Variants in CACNB4 observed in about 807,000 individuals in gnomAD.
CACNB4 encodes the protein voltage-dependent L-type calcium channel subunit beta-4.
Under a neutral mutation model 71.2 loss-of-function variants are expected in CACNB4, and 32 were observed. The observed-to-expected ratio is 0.45, with a 90% confidence interval of 0.34 to 0.60. The LOEUF is 0.60. Ranked by LOEUF, CACNB4 falls within the 20% of genes least tolerant of loss-of-function variation. The probability of loss-of-function intolerance (pLI) is 0.01; values close to 1 mark genes in which losing one functional copy is unlikely to be tolerated. For missense variants in CACNB4, 464 were observed against 647.9 expected (o/e 0.72, Z 3.08); for synonymous variants, 231 against 236.9 (o/e 0.97, Z 0.23).
chr2:152,026,838 T>C (rs1684005089), intron 2 of CACNB4, among the ~76,000 whole-genome samples: 1 of 152,226 alleles, frequency 6.6e-6, no homozygotes, highest in African/African-American at 2.4e-5. Flanking sequence ...ATGGTATCCA[T>C]ATTGTTAAGT....
intron 2 of CACNB4, among the ~76,000 whole-genome samples, chr2:152,033,178 A>T (rs1026718669): frequency 3.3e-5 from 5 of 152,244 alleles, no homozygotes; most frequent in Non-Finnish European, 7.3e-5. Flanking sequence ...GGCTGGTTAA[A>T]TAATGAATGA....
intron 2 of CACNB4, among the ~76,000 whole-genome samples, chr2:151,892,982 G>A (rs1332794546): frequency 6.6e-6 from 1 of 152,060 alleles, no homozygotes; most frequent in Non-Finnish European, 1.5e-5. Context: ...TCCAGAAACT[G>A]TTTAGAAAAA....
At chr2:152,063,170 C>A (rs953155859) in intron 2 of CACNB4, among the ~76,000 whole-genome samples, 1 of 152,128 alleles carries the variant, frequency 6.6e-6, no homozygotes, top group Non-Finnish European at 1.5e-5. Context: ...GTGAACTGTA[C>A]ATAGATGATT....
chr2:151,844,667 G>C (rs1387697437), intron 12 of CACNB4, among the ~76,000 whole-genome samples: 1 of 152,180 alleles, frequency 6.6e-6, no homozygotes, highest in Admixed American at 6.5e-5. Flanking sequence ...ATAAATAGAG[G>C]CATCGAGGTG....
At chr2:151,990,696 T>C (rs1312669786) in intron 2 of CACNB4, among the ~76,000 whole-genome samples, 4 of 152,230 alleles carry the variant, frequency 2.6e-5, no homozygotes, top group Admixed American at 6.5e-5. Context: ...TTCTATCTAA[T>C]ACACCATGGG....
chr2:151,990,872 C>G (rs926716651), intron 2 of CACNB4, among the ~76,000 whole-genome samples: 1 of 152,162 alleles, frequency 6.6e-6, no homozygotes, highest in Non-Finnish European at 1.5e-5. Context: ...TAAGCCCATT[C>G]AAAACCTTGC....
intron 12 of CACNB4, among the ~76,000 whole-genome samples, chr2:151,847,475 C>A (rs1447923358): frequency 6.6e-6 from 1 of 152,286 alleles, no homozygotes; most frequent in Non-Finnish European, 1.5e-5. Context: ...AAATAATCAA[C>A]CCAATGGTTC....
chr2:151,990,565 A>G lies in CACNB4; in HGVS notation c.148-107195T>C, dbSNP rs561984587. On this transcript the variant is annotated intron_variant, in intron 2 of 13. Transcript: ENST00000539935. ...GGGTCTTGTGCACTGTTGCTTCCTT[A>G]ACAATTACCATAGTGCCTGTGACAT... Among the ~76,000 whole-genome samples the G allele has an allele frequency of 2.0e-5, 3 of 152,278 alleles. No homozygotes were observed. The South Asian group carries it at 6.2e-4, about 32-fold the overall frequency.
chr2:152,054,216 A>T (rs1004753487), intron 2 of CACNB4, among the ~76,000 whole-genome samples: 4 of 151,266 alleles, frequency 2.6e-5, no homozygotes, highest in Admixed American at 2.6e-4. Flanking sequence ...AAATACAAAA[A>T]TTAGCCGGGC....
At chr2:151,912,789 T>C (rs1331677278) in intron 2 of CACNB4, among the ~76,000 whole-genome samples, 3 of 152,148 alleles carry the variant, frequency 2.0e-5, no homozygotes, top group African/African-American at 7.2e-5. Flanking sequence ...CCCACTATTA[T>C]TGTGTGGGAG....
At chr2:151,973,973 G>A in intron 2 of CACNB4, 1 of 1,211,240 alleles carries the variant, frequency 8.3e-7, no homozygotes, top group Non-Finnish European at 1.0e-6. Context: ...CCACAGACTG[G>A]TGACTGAGCT....
At chr2:151,858,177 A>T (rs1222098724) in intron 10 of CACNB4, 1 of 152,226 alleles carries the variant, frequency 6.6e-6, no homozygotes, top group African/African-American at 2.4e-5. Flanking sequence ...TATTCCAGTC[A>T]AATGGAGCCC....
intron 2 of CACNB4, among the ~76,000 whole-genome samples, chr2:152,004,949 T>C (rs1682641182): frequency 6.6e-6 from 1 of 152,188 alleles, no homozygotes; most frequent in African/African-American, 2.4e-5. Context: ...TACTCTTGGA[T>C]GCAAATCAAA....
At chr2:152,099,139 C>T (rs1036589265), upstream of CACNB4, 2 of 558,378 alleles carry the variant, frequency 3.6e-6, no homozygotes, top group African/African-American at 2.0e-5. Flanking sequence ...GCGCCGGCGC[C>T]CAGGCTCCCT....
chr2:151,835,594 C>T lies in CACNB4; in HGVS notation c.*3525G>A, dbSNP rs2099834733. 6.6e-6 allele frequency: 1 copy of T among 151,652 alleles called. No homozygotes were observed. The highest frequency in any genetic ancestry group is 1.5e-5 in the Non-Finnish European group (1 of 67,726). 9.4% of individuals were successfully genotyped at this position (151,652 alleles called of 1,614,324 possible). On this transcript the variant is annotated 3_prime_UTR_variant, in exon 14 of 14. Transcript: ENST00000539935. ...ATACTAACATGCAAATTAAGGTTGC[C>T]AAGACACATTCTTAACGGACATCCT...
chr2:151,954,624 G>A (rs778531341), intron 2 of CACNB4, among the ~76,000 whole-genome samples: 21 of 151,980 alleles, frequency 1.4e-4, no homozygotes, highest in African/African-American at 3.1e-4. Context: ...CAGAGATTTC[G>A]GATATGGCCA....
intron 6 of CACNB4, 199 bp from the exon 7 acceptor site, chr2:151,871,060 T>C (rs1443455978): frequency 1.7e-6 from 1 of 596,024 alleles, no homozygotes; most frequent in African/African-American, 1.9e-5. Flanking sequence ...ACAGACAGCT[T>C]CCTCCCTGGT....
chr2:151,933,584 C>T (rs2099862162), intron 2 of CACNB4, among the ~76,000 whole-genome samples: 1 of 152,110 alleles, frequency 6.6e-6, no homozygotes, highest in South Asian at 2.1e-4. Flanking sequence ...GGACTCAAAG[C>T]TGGGTCTGAG....
chr2:151,918,378 A>G (rs1483825858), intron 2 of CACNB4, among the ~76,000 whole-genome samples: 4 of 152,206 alleles, frequency 2.6e-5, no homozygotes, highest in African/African-American at 9.6e-5. Flanking sequence ...GAGAACAGTT[A>G]ACCTGTGGTT....
Sources: allele counts gnomAD v4.1 joint callset (sites outside exome capture counted in the v4.1 genomes callset), GRCh38; gene constraint gnomAD v4.1.1; transcripts MANE v1.5; gene names NCBI Gene and HGNC (gene_info 2026-07-23, HGNC 2026-07-21).